MCU: variants seen among roughly 807,000 people sequenced by gnomAD.
The protein encoded by MCU is mitochondrial calcium uniporter, also known as calcium uniporter protein, mitochondrial.
A neutral mutation model predicts 45.2 loss-of-function variants in MCU; 12 were observed. The ratio of observed to expected loss-of-function variants is 0.27; its 90% CI spans 0.17 to 0.43. The LOEUF is 0.43. Ranked by LOEUF, MCU falls within the 20% of genes least tolerant of loss-of-function variation. The pLI, the probability that MCU is intolerant of heterozygous loss-of-function variation, is 1.00. For synonymous variants in MCU, 160 were observed against 165.1 expected, an observed-to-expected ratio of 0.97 and a Z score of 0.24; for missense variants, 324 against 436.7, an observed-to-expected ratio of 0.74 and a Z score of 2.30.
chr10:72,816,472 A>C (rs1291139889), intron 1 of MCU, among the ~76,000 whole-genome samples: 1 of 152,200 alleles, frequency 6.6e-6, no homozygotes, highest in Admixed American at 6.5e-5. Flanking sequence ...TTAAATAGCC[A>C]ACAACAGTGA....
intron 7 of MCU, among the ~76,000 whole-genome samples, chr10:72,884,736 A>G (rs899136377): frequency 2.6e-5 from 4 of 151,754 alleles, no homozygotes; most frequent in East Asian, 1.9e-4. Context: ...AATTTATCTA[A>G]GATTTTTCAC....
intron 1 of MCU, among the ~76,000 whole-genome samples, chr10:72,782,474 G>A (rs1027000497): frequency 1.3e-5 from 2 of 152,096 alleles, no homozygotes; most frequent in East Asian, 1.9e-4. Context: ...GGGTTCAAGC[G>A]ATTCTCATGC....
At chr10:72,840,881 A>G (rs1211086450) in intron 2 of MCU, among the ~76,000 whole-genome samples, 1 of 152,210 alleles carries the variant, frequency 6.6e-6, no homozygotes, top group Non-Finnish European at 1.5e-5. Context: ...CTTTTCTTGA[A>G]GGATTCTTCA....
intron 1 of MCU, among the ~76,000 whole-genome samples, chr10:72,728,680 G>A (rs1195943489): frequency 6.6e-6 from 1 of 152,144 alleles, no homozygotes; most frequent in African/African-American, 2.4e-5. Flanking sequence ...GTGAGGGGGA[G>A]TATAGTATGA....
At chr10:72,859,500 A>G (rs1845344447) in intron 3 of MCU, among the ~76,000 whole-genome samples, 153 bp downstream of exon 3, 1 of 152,216 alleles carries the variant, frequency 6.6e-6, no homozygotes, top group Non-Finnish European at 1.5e-5. Context: ...TTACCAGGAG[A>G]GAAAGGGATT....
At chr10:72,824,635 C>A (rs1401253190) in intron 1 of MCU, among the ~76,000 whole-genome samples, 1 of 152,004 alleles carries the variant, frequency 6.6e-6, no homozygotes, top group African/African-American at 2.4e-5. Context: ...AAAAAGAATT[C>A]GAAAACAAAA....
intron 1 of MCU, among the ~76,000 whole-genome samples, chr10:72,753,657 T>C (rs1027459182): frequency 1.2e-4 from 18 of 152,176 alleles, no homozygotes; most frequent in African/African-American, 4.1e-4. Flanking sequence ...GGTAGATCGC[T>C]TGAGCCCAGA....
chr10:72,805,101 C>CTCTTTCTTTCTTCCTT (rs1554824917), intron 1 of MCU, among the ~76,000 whole-genome samples: 136 of 103,454 alleles, frequency 1.3e-3, no homozygotes, highest in Non-Finnish European at 2.2e-3. Flanking sequence ...TTCTTTCTTT[C>CTCTTTCTTTCTTCCTT]TCTTTCTTTC....
chr10:72,856,982 G>A (rs1175855951), intron 2 of MCU, among the ~76,000 whole-genome samples: 4 of 150,010 alleles, frequency 2.7e-5, no homozygotes, highest in African/African-American at 7.4e-5. Flanking sequence ...GGTCCCACTC[G>A]GTTGCTCAGG....
intron 1 of MCU, among the ~76,000 whole-genome samples, chr10:72,829,273 A>G (rs1466856196): frequency 1.3e-5 from 2 of 151,340 alleles, no homozygotes; most frequent in Admixed American, 6.6e-5. Flanking sequence ...CAGTGAGCCA[A>G]GATTGTGCTA....
intron 1 of MCU, among the ~76,000 whole-genome samples, chr10:72,744,523 G>A (rs1007399746): frequency 1.6e-4 from 25 of 152,142 alleles, no homozygotes; most frequent in Admixed American, 6.5e-5. Context: ...CCAGCTACTC[G>A]GGAGGCTGGG....
chr10:72,804,017 AATATAT>A (rs35518652), intron 1 of MCU, among the ~76,000 whole-genome samples: 386 of 34,614 alleles, frequency 0.011, 5 homozygotes, highest in Non-Finnish European at 0.017. Context: ...AATGTAAGTA[AATATAT>A]ATATATATAT....
chr10:72,753,945 C>T (rs1400460370), intron 1 of MCU, among the ~76,000 whole-genome samples: 2 of 152,120 alleles, frequency 1.3e-5, no homozygotes, highest in African/African-American at 4.8e-5. Context: ...GTACTGTTTT[C>T]AGCCATATTT....
intron 1 of MCU, among the ~76,000 whole-genome samples, chr10:72,750,473 C>T (rs376282290): frequency 2.0e-5 from 3 of 152,126 alleles, no homozygotes; most frequent in African/African-American, 7.2e-5. Flanking sequence ...TTGTTCAGTA[C>T]GCTTATTTAG....
At chr10:72,787,892 T>A (rs1462610999) in intron 1 of MCU, among the ~76,000 whole-genome samples, 2 of 151,892 alleles carry the variant, frequency 1.3e-5, no homozygotes, top group Non-Finnish European at 2.9e-5. Context: ...AATTTTTGTA[T>A]TTTTAGTAGA....
chr10:72,706,987 G>A (rs1158383647), intron 1 of MCU, among the ~76,000 whole-genome samples: 1 of 150,600 alleles, frequency 6.6e-6, no homozygotes, highest in Non-Finnish European at 1.5e-5. Flanking sequence ...ATGCCACCAC[G>A]CCTGGCTAAT....
At chr10:72,872,872 T>A (rs987914268) in intron 6 of MCU, among the ~76,000 whole-genome samples, 5 of 152,154 alleles carry the variant, frequency 3.3e-5, no homozygotes, top group African/African-American at 9.7e-5. Flanking sequence ...GCTATACTAA[T>A]TTACATTCCC....
At chr10:72,738,564 T>C (rs1843282164) in intron 1 of MCU, among the ~76,000 whole-genome samples, 1 of 152,218 alleles carries the variant, frequency 6.6e-6, no homozygotes, top group Admixed American at 6.5e-5. Context: ...TCTCAGCCCG[T>C]ATTTTAATAG....
At chr10:72,748,289 C>A (rs970141801) in intron 1 of MCU, among the ~76,000 whole-genome samples, 5 of 152,194 alleles carry the variant, frequency 3.3e-5, no homozygotes, top group African/African-American at 1.2e-4. Flanking sequence ...TTCAGGTGAT[C>A]CGCCCGCCTT....
Sources: allele counts gnomAD v4.1 joint callset (sites outside exome capture counted in the v4.1 genomes callset), GRCh38; gene constraint gnomAD v4.1.1; transcripts MANE v1.5; gene names NCBI Gene and HGNC (gene_info 2026-07-23, HGNC 2026-07-21).